Variants in SERPINA5 observed in about 807,000 individuals in gnomAD.
The protein encoded by SERPINA5 is plasma serine protease inhibitor.
In SERPINA5, 25 loss-of-function variants were observed where a neutral mutation model predicts 25.3. The observed-to-expected ratio is 0.99, with a 90% CI of 0.72 to 1.38. SERPINA5 has a LOEUF of 1.38. Ranked by LOEUF, SERPINA5 falls within the 40% of genes most tolerant of loss-of-function variation. The probability of loss-of-function intolerance (pLI) is 0.00; values close to 1 mark genes in which losing one functional copy is unlikely to be tolerated. For missense variants in SERPINA5, 599 were observed against 509.5 expected, an observed-to-expected ratio of 1.18 and a Z score of -1.69; for synonymous variants, 234 against 206.2, an observed-to-expected ratio of 1.14 and a Z score of -1.16.
In SERPINA5 at chr14:94,587,569, T is replaced by G; in HGVS notation, c.207T>G (p.Pro69=). 1 of 1,614,056 alleles carries G rather than the reference T, an allele frequency of 6.2e-7. No homozygotes were observed. Among genetic ancestry groups the G allele is most frequent in the Non-Finnish European group, 8.5e-7 (1 of 1,179,932 alleles). Residue 69 remains proline (P), a synonymous_variant, in exon 3 of 6, where the codon CCT becomes CCG. Transcript: ENST00000329597. The part of the protein sequence containing the change: ...AAPSQSIFFS[P]VSISMSLAML... ...CCAGCCAGAGCATCTTCTTCTCCCC[T>G]GTGAGCATCTCCATGAGCCTGGCCA...
chr14:94,590,913 C>T lies in SERPINA5; in HGVS notation c.1038+17C>T. ...GTGTCTGAGGTGGGTTCAGAAGCTCCTATGCATCTGCTTCCCAAGGTCTAT... is the reference window on the plus strand; with the variant it reads ...GTGTCTGAGGTGGGTTCAGAAGCTCTTATGCATCTGCTTCCCAAGGTCTAT... On this transcript the variant is annotated intron_variant, in intron 5 of 5. Coordinates refer to ENST00000329597, the MANE Select transcript of SERPINA5 (RefSeq NM_000624.6). 1 of 1,599,432 alleles carries T rather than the reference C, an allele frequency of 6.3e-7. No homozygotes were observed. The highest frequency in any genetic ancestry group is 1.1e-5 in the South Asian group (1 of 89,154).
In SERPINA5 at chr14:94,587,480, G is replaced by C. The variant is rs1042854368; in HGVS notation, c.118G>C (p.Val40Leu). 6.2e-7 allele frequency: 1 copy of C among 1,614,196 alleles called. No individual in the cohort carries two copies. Among genetic ancestry groups the C allele is most frequent in the Non-Finnish European group, 8.5e-7 (1 of 1,180,038 alleles). Residue 40 changes from valine (V) to leucine (L), a missense_variant, in exon 3 of 6, where the codon GTG becomes CTG. Val to Leu is a conservative substitution (Grantham distance 32, BLOSUM62 1). Coordinates refer to ENST00000329597, the MANE Select transcript of SERPINA5 (RefSeq NM_000624.6). ...RVEDLHVGAT[V>L]APSSRRDFTF... ...CGAGGACCTCCATGTAGGTGCCACG[G>C]TGGCCCCCAGCAGCAGAAGGGACTT...
chr14:94,591,268 C>T (rs1274691400), intron 5 of SERPINA5, among the ~76,000 whole-genome samples: 1 of 146,598 alleles, frequency 6.8e-6, no homozygotes, highest in East Asian at 2.1e-4. Context: ...CTCCTCCACT[C>T]CACTCCTCCA....
chr14:94,585,796 T>TGTGTGC (rs1555384392), intron 2 of SERPINA5, among the ~76,000 whole-genome samples: 115 of 132,698 alleles, frequency 8.7e-4, no homozygotes, highest in Non-Finnish European at 1.4e-3. Context: ...TGTGTGTGTG[T>TGTGTGC]GTGTGTGTAA....
intron 3 of SERPINA5, 109 bp downstream of exon 3, chr14:94,588,090 CT>C: frequency 7.2e-7 from 1 of 1,389,192 alleles, no homozygotes; most frequent in African/African-American, 1.4e-5. Flanking sequence ...ACGTTAAGTT[CT>C]TTTGGGTGCC....
At chr14:94,584,750 C>T (rs1267837328) in intron 2 of SERPINA5, among the ~76,000 whole-genome samples, 4 of 152,224 alleles carry the variant, frequency 2.6e-5, no homozygotes, top group African/African-American at 9.6e-5. Context: ...GCTTCTGAAG[C>T]TGTTCTCGAA....
At chr14:94,586,276 C>CTGATGT (rs1885079812) in intron 2 of SERPINA5, among the ~76,000 whole-genome samples, 1 of 152,184 alleles carries the variant, frequency 6.6e-6, no homozygotes, top group Non-Finnish European at 1.5e-5. Context: ...GATGTCTTTG[C>CTGATGT]CTGCATGGGC....
chr14:94,587,176 C>A (rs1264396889), intron 2 of SERPINA5, among the ~76,000 whole-genome samples, 170 bp from the exon 3 acceptor site: 1 of 152,162 alleles, frequency 6.6e-6, no homozygotes, highest in African/African-American at 2.4e-5. Flanking sequence ...TGTCCTCGAG[C>A]CACTGCCACC....
In SERPINA5 at chr14:94,582,292, C is replaced by T. The variant is rs181367817; in HGVS notation, c.-18+582C>T. The T allele has an allele frequency of 9.3e-4, 142 of 152,326 alleles. 1 individual carries two copies. Among genetic ancestry groups the T allele is most frequent in the African/African-American group, 3.3e-3 (137 of 41,568 alleles). 9.4% of individuals were successfully genotyped at this position (152,326 alleles called of 1,614,324 possible). A position where few individuals can be genotyped will look rare whatever the true frequency, so the allele number is the denominator to read the frequency against. ...GCTTCCTTGGGCCAGTGTCCTTGCT[C>T]ATAGATCAGGAAACCGAAGCATGAA... is the stretch of plus-strand genomic sequence containing the variant. On this transcript the variant is annotated intron_variant, in intron 2 of 5. Transcript: ENST00000329597.
chr14:94,582,998 G>A (rs1247128047), intron 2 of SERPINA5, among the ~76,000 whole-genome samples: 1 of 152,190 alleles, frequency 6.6e-6, no homozygotes, highest in Non-Finnish European at 1.5e-5. Flanking sequence ...GGTATGCAAA[G>A]GCCCAGAGTT....
Position 94,593,059 on chromosome 14 carries a change from C to G in SERPINA5, c.*820C>G, listed in dbSNP as rs1885353677. 1 of 151,978 alleles carries G rather than the reference C, an allele frequency of 6.6e-6. No individual in the cohort carries two copies. The highest frequency in any genetic ancestry group is 2.1e-4 in the South Asian group (1 of 4,820). 9.4% of individuals were successfully genotyped at this position (151,978 alleles called of 1,614,324 possible). A position where few individuals can be genotyped will look rare whatever the true frequency, so the allele number is the denominator to read the frequency against. On this transcript the variant is annotated 3_prime_UTR_variant, in exon 6 of 6. Coordinates refer to ENST00000329597, the MANE Select transcript of SERPINA5 (RefSeq NM_000624.6). ...ATAGTAGAGTATCAGTTGCAGGTGC[C>G]AATGACTAACTTTTTGAATTCTATG... is the stretch of plus-strand genomic sequence containing the variant.
At chr14:94,589,221 C>G (rs2070001) in intron 3 of SERPINA5, among the ~76,000 whole-genome samples, 11,042 of 152,048 alleles carry the variant, frequency 0.073, 498 homozygotes, top group Middle Eastern at 0.14. Flanking sequence ...CCGAGATGGG[C>G]AGATCACCTG....
Position 94,592,681 on chromosome 14 carries a change from C to G in SERPINA5, c.*442C>G, listed in dbSNP as rs1885344879. 1 of 158,376 alleles carries G rather than the reference C, an allele frequency of 6.3e-6. No homozygotes were observed. Among genetic ancestry groups the G allele is most frequent in the Non-Finnish European group, 1.4e-5 (1 of 71,618 alleles). The allele number at this position is 158,376 out of a possible 1,614,324, so 9.8% of individuals were successfully genotyped here. A position where few individuals can be genotyped will look rare whatever the true frequency, so the allele number is the denominator to read the frequency against. ...CAGCAGCAACAACTGTCAGTTCATC[C>G]TGCATGGGAAAAATGTTGGAATGGG... On this transcript the variant is annotated 3_prime_UTR_variant, in exon 6 of 6. Coordinates refer to ENST00000329597, the MANE Select transcript of SERPINA5 (RefSeq NM_000624.6).
At chr14:94,582,547 C>T (rs1033760736) in intron 2 of SERPINA5, among the ~76,000 whole-genome samples, 1 of 152,210 alleles carries the variant, frequency 6.6e-6, no homozygotes, top group Non-Finnish European at 1.5e-5. Context: ...GGCAAGTGAG[C>T]TCCGGGGCGG....
Position 94,592,580 on chromosome 14 carries a change from A to G in SERPINA5, c.*341A>G. On this transcript the variant is annotated 3_prime_UTR_variant, in exon 6 of 6. Coordinates refer to ENST00000329597, the MANE Select transcript of SERPINA5 (RefSeq NM_000624.6). ...CCCTTGATGCCCAGCTCAGTGCCAC[A>G]AAGCTCAATAGGAGGGATGTTCCAG... 1 of 218,876 alleles carries G rather than the reference A, an allele frequency of 4.6e-6. No individual in the cohort carries two copies. The highest frequency in any genetic ancestry group is 9.1e-6 in the Non-Finnish European group (1 of 110,324). 13.6% of individuals were successfully genotyped at this position (218,876 alleles called of 1,614,324 possible).
At chr14:94,585,108 C>T (rs1183995354) in intron 2 of SERPINA5, among the ~76,000 whole-genome samples, 1 of 152,150 alleles carries the variant, frequency 6.6e-6, no homozygotes, top group Non-Finnish European at 1.5e-5. Flanking sequence ...GGAGGCAGGA[C>T]TCTGCAGAGT....
chr14:94,587,313 C>T (rs1885122799), intron 2 of SERPINA5, 33 bp from the exon 3 acceptor site: 1 of 1,537,996 alleles, frequency 6.5e-7, no homozygotes, highest in Non-Finnish European at 8.7e-7. Context: ...ACCAGCTCCA[C>T]CCCTCTCTGA....
chr14:94,591,589 A>ATTCTATTCTATTCTATTCTG (rs1555384920), intron 5 of SERPINA5, among the ~76,000 whole-genome samples: 1 of 148,394 alleles, frequency 6.7e-6, no homozygotes, highest in Non-Finnish European at 1.5e-5. Context: ...ATTCTATTCT[A>ATTCTATTCTATTCTATTCTG]TTCTATTCTA....
intron 2 of SERPINA5, among the ~76,000 whole-genome samples, chr14:94,585,330 G>A (rs1004048357): frequency 3.3e-5 from 5 of 152,162 alleles, no homozygotes; most frequent in Non-Finnish European, 7.4e-5. Context: ...TGCCAGGTTC[G>A]ATTCTGCAGG....
Sources: gnomAD v4.1 joint callset for allele counts (sites outside exome capture counted in the v4.1 genomes callset) on GRCh38, gnomAD v4.1.1 for gene constraint, MANE v1.5 for transcripts, NCBI Gene and HGNC (gene_info 2026-07-23, HGNC 2026-07-21) for gene names.